Variants in ADAMTS17 observed in about 807,000 individuals in gnomAD.
ADAMTS17 encodes A disintegrin and metalloproteinase with thrombospondin motifs 17.
A neutral mutation model predicts 141.5 loss-of-function variants in ADAMTS17; 113 were observed. The ratio of observed to expected loss-of-function variants is 0.80; its 90% CI spans 0.69 to 0.93. The LOEUF (loss-of-function observed/expected upper bound fraction) is 0.93, where lower values mean the gene tolerates loss of function less well. Among genes scored for constraint, ADAMTS17 ranks in the 40% least tolerant of loss-of-function variants. The pLI is 0.00. For synonymous variants in ADAMTS17, 768 were observed against 630.6 expected, an observed-to-expected ratio of 1.22 and a Z score of -3.27; for missense variants, 1,659 against 1,517.9, an observed-to-expected ratio of 1.09 and a Z score of -1.54.
chr15:100,236,702 G>A (rs1365008839), intron 7 of ADAMTS17, among the ~76,000 whole-genome samples: 1 of 152,140 alleles, frequency 6.6e-6, no homozygotes, highest in Admixed American at 6.5e-5. Context: ...GCTGGGCATA[G>A]TGGTGCGTGC....
At chr15:100,035,307 A>G (rs751763400) in intron 18 of ADAMTS17, among the ~76,000 whole-genome samples, 19 of 152,262 alleles carry the variant, frequency 1.2e-4, no homozygotes, top group Non-Finnish European at 2.9e-5. Context: ...AAAGGAACAG[A>G]TGTAAAACGT....
intron 12 of ADAMTS17, among the ~76,000 whole-genome samples, chr15:100,125,803 T>C (rs1039897543): frequency 3.9e-5 from 6 of 152,006 alleles, no homozygotes; most frequent in Non-Finnish European, 8.8e-5. Flanking sequence ...AAAATAAAAA[T>C]TCCAAGAGCT....
At position 99,993,014 on chromosome 15, in the gene ADAMTS17, G is replaced by A. The variant is rs189319900; in HGVS notation, c.2949+34C>T. 1.2e-6 allele frequency: 2 copies of A among 1,613,650 alleles called. No homozygotes were observed. The highest frequency in any genetic ancestry group is 2.2e-5 in the East Asian group (1 of 44,876). ...CCGACCCTCGAGCCCCCTGCACTGC[G>A]GCACGGAGAGAAATGCCAGCAGGCT... On this transcript the variant is annotated intron_variant, in intron 20 of 21. Coordinates refer to ENST00000268070, the MANE Select transcript of ADAMTS17 (RefSeq NM_139057.4). The surrounding 1 kb of genome is among the most constrained non-coding windows in gnomAD (Gnocchi z 4.3).
chr15:100,331,260 G>T (rs1246335068), intron 2 of ADAMTS17, among the ~76,000 whole-genome samples: 2 of 152,108 alleles, frequency 1.3e-5, no homozygotes, highest in Non-Finnish European at 2.9e-5. Context: ...GCTGCGTTGG[G>T]GGTAGGGGTA....
At chr15:100,022,821 C>A (rs1354645449) in intron 18 of ADAMTS17, among the ~76,000 whole-genome samples, 1 of 152,112 alleles carries the variant, frequency 6.6e-6, no homozygotes, top group Non-Finnish European at 1.5e-5. Context: ...TAATGAGCTA[C>A]AGAAACCACG....
At chr15:100,042,693 G>A (rs1479214628) in intron 18 of ADAMTS17, among the ~76,000 whole-genome samples, 3 of 152,158 alleles carry the variant, frequency 2.0e-5, no homozygotes, top group African/African-American at 7.2e-5. Context: ...GCTACTGAGT[G>A]ACAACCAGCA....
At chr15:100,173,768 A>G (rs1457255078) in intron 8 of ADAMTS17, among the ~76,000 whole-genome samples, 3 of 152,168 alleles carry the variant, frequency 2.0e-5, no homozygotes, top group Non-Finnish European at 4.4e-5. Flanking sequence ...TAACACACCA[A>G]TATCTGCGGC....
chr15:100,160,632 C>T (rs772266867), intron 8 of ADAMTS17, among the ~76,000 whole-genome samples: 19 of 152,226 alleles, frequency 1.2e-4, no homozygotes, highest in Non-Finnish European at 2.8e-4. Flanking sequence ...CTCCATATTC[C>T]TCACAGGGAT....
At chr15:100,083,136 G>A (rs188827194) in intron 15 of ADAMTS17, among the ~76,000 whole-genome samples, 13 of 152,244 alleles carry the variant, frequency 8.5e-5, no homozygotes, top group Middle Eastern at 3.4e-3. Context: ...GAGGTGTGTC[G>A]CTTCCCCGCA....
At chr15:100,044,270 C>T (rs2031503705) in intron 18 of ADAMTS17, among the ~76,000 whole-genome samples, 1 of 152,192 alleles carries the variant, frequency 6.6e-6, no homozygotes, top group African/African-American at 2.4e-5. Flanking sequence ...TTTTCTCTCT[C>T]CTCTCCTTCT....
At chr15:100,254,247 G>C in intron 6 of ADAMTS17, 68 bp from the exon 7 acceptor site, 1 of 1,402,354 alleles carries the variant, frequency 7.1e-7, no homozygotes, top group Non-Finnish European at 1.0e-6. Context: ...AAAACACTGT[G>C]AATTAACCTC....
Position 99,973,695 on chromosome 15 carries a change from C to T in ADAMTS17, c.*707G>A, listed in dbSNP as rs183678532. On this transcript the variant is annotated 3_prime_UTR_variant, in exon 22 of 22. Coordinates refer to ENST00000268070, the MANE Select transcript of ADAMTS17 (RefSeq NM_139057.4). The stretch of plus-strand genomic sequence containing the variant: ...AGAGCTCTGAAAATTAGATGCTTCC[C>T]CAAACCCAGACTCTCTTGGAACATT... 1.3e-5 allele frequency: 2 copies of T among 154,788 alleles called. No individual in the cohort carries two copies. The highest frequency in any genetic ancestry group is 4.8e-5 in the African/African-American group (2 of 41,558). 9.6% of individuals were successfully genotyped at this position (154,788 alleles called of 1,614,324 possible).
chr15:100,215,217 G>A (rs1190474329), intron 7 of ADAMTS17, among the ~76,000 whole-genome samples: 1 of 152,224 alleles, frequency 6.6e-6, no homozygotes, highest in Non-Finnish European at 1.5e-5. Context: ...TAAACCAGAA[G>A]TTGGTGAAGC....
chr15:100,321,374 A>G (rs771512048), intron 3 of ADAMTS17, among the ~76,000 whole-genome samples: 3 of 152,246 alleles, frequency 2.0e-5, no homozygotes, highest in Non-Finnish European at 4.4e-5. Flanking sequence ...TAGAAACATG[A>G]AAACACTAAC....
intron 8 of ADAMTS17, among the ~76,000 whole-genome samples, chr15:100,156,140 C>T (rs889341932): frequency 6.6e-6 from 1 of 152,228 alleles, no homozygotes; most frequent in Non-Finnish European, 1.5e-5. Flanking sequence ...TAACGGACCA[C>T]AAGGAAAAGA....
At chr15:100,245,949 T>A (rs1230296455) in intron 7 of ADAMTS17, among the ~76,000 whole-genome samples, 1 of 152,096 alleles carries the variant, frequency 6.6e-6, no homozygotes, top group Non-Finnish European at 1.5e-5. Flanking sequence ...ATGCATCACT[T>A]ACATGTTTAT....
At chr15:100,033,983 C>T (rs1374787468) in intron 18 of ADAMTS17, among the ~76,000 whole-genome samples, 2 of 152,196 alleles carry the variant, frequency 1.3e-5, no homozygotes, top group Non-Finnish European at 2.9e-5. Flanking sequence ...GGCAGTGATG[C>T]CATCAGCTTA....
intron 10 of ADAMTS17, among the ~76,000 whole-genome samples, chr15:100,137,970 C>T (rs959338548): frequency 3.5e-4 from 54 of 152,326 alleles, no homozygotes; most frequent in African/African-American, 1.3e-3. Flanking sequence ...TTCCTTCTAC[C>T]ACCCAATTGT....
At chr15:100,019,549 C>T (rs532031394) in intron 18 of ADAMTS17, among the ~76,000 whole-genome samples, 8 of 152,288 alleles carry the variant, frequency 5.3e-5, no homozygotes, top group East Asian at 1.9e-4. Flanking sequence ...GTTGAGACCA[C>T]GGGCAACTGA....
Sources: allele counts gnomAD v4.1 joint callset (sites outside exome capture counted in the v4.1 genomes callset), GRCh38; gene constraint gnomAD v4.1.1; non-coding constraint Gnocchi (gnomAD v3.1); transcripts MANE v1.5; gene names NCBI Gene and HGNC (gene_info 2026-07-23, HGNC 2026-07-21).